Variants in TCERG1 observed in about 807,000 individuals in gnomAD.
TCERG1 encodes the protein transcription elongation regulator 1.
TCERG1 carries 37 observed loss-of-function variants against 144.7 expected under a neutral mutation model. That is an observed-to-expected ratio of 0.26 (90% CI 0.20 to 0.34). The LOEUF (loss-of-function observed/expected upper bound fraction) is 0.34, where lower values mean the gene tolerates loss of function less well. Among genes scored for constraint, TCERG1 ranks in the 10% least tolerant of loss-of-function variants. The pLI is 1.00. For synonymous variants in TCERG1, 492 were observed against 458.2 expected, an observed-to-expected ratio of 1.07 and a Z score of -0.94; for missense variants, 1,027 against 1,380.7, an observed-to-expected ratio of 0.74 and a Z score of 4.06.
intron 5 of TCERG1, among the ~76,000 whole-genome samples, chr5:146,467,864 C>G (rs192456231): frequency 3.9e-5 from 6 of 152,298 alleles, no homozygotes; most frequent in Non-Finnish European, 7.4e-5. Context: ...CTAGCTTATT[C>G]CTTTTTTACT....
intron 9 of TCERG1, among the ~76,000 whole-genome samples, chr5:146,472,529 T>C (rs1764410760): frequency 6.6e-6 from 1 of 152,288 alleles, no homozygotes; most frequent in South Asian, 2.1e-4. Context: ...TGAACCTAAT[T>C]GATAAACGTG....
In TCERG1 at chr5:146,496,445, CTT is replaced by C. The variant is rs971511997; in HGVS notation, c.2283-2089_2283-2088del. 2.4e-4 allele frequency among the ~76,000 whole-genome samples: 36 copies of C among 152,102 alleles called. 1 individual carries two copies. The highest frequency in any genetic ancestry group is 2.9e-5 in the Non-Finnish European group (2 of 68,014). On this transcript the variant is annotated intron_variant, in intron 16 of 22. Coordinates refer to ENST00000679501, the MANE Select transcript of TCERG1 (RefSeq NM_001382548.1). ...TACCTCAGTCTTTTTTCTATCTCCT[CTT>C]TGGATTAGATAATTGTTAGTGATCT...
intron 21 of TCERG1, 43 bp from the exon 22 acceptor site, chr5:146,509,102 G>A: frequency 8.8e-7 from 1 of 1,141,396 alleles, no homozygotes; most frequent in Non-Finnish European, 1.3e-6. Flanking sequence ...GGAATTAGTG[G>A]GTTTTATTTC....
intron 14 of TCERG1, among the ~76,000 whole-genome samples, chr5:146,483,103 ATAT>A (rs779613400): frequency 2.2e-4 from 33 of 152,108 alleles, no homozygotes; most frequent in African/African-American, 3.1e-4. Flanking sequence ...ATACTTTGTG[ATAT>A]TATTATTTGC....
chr5:146,475,614 G>C (rs899956235), intron 9 of TCERG1, among the ~76,000 whole-genome samples: 1 of 152,148 alleles, frequency 6.6e-6, no homozygotes, highest in Non-Finnish European at 1.5e-5. Context: ...CATTTATGCT[G>C]AAGGTTGCAA....
intron 4 of TCERG1, among the ~76,000 whole-genome samples, chr5:146,461,647 T>G (rs993317767): frequency 6.6e-6 from 1 of 152,214 alleles, no homozygotes; most frequent in Non-Finnish European, 1.5e-5. Context: ...CACTTGAAAT[T>G]TGATGCCCTT....
At chr5:146,501,026 A>T (rs184253683) in intron 17 of TCERG1, among the ~76,000 whole-genome samples, 115 of 152,088 alleles carry the variant, frequency 7.6e-4, no homozygotes, top group African/African-American at 2.6e-3. Flanking sequence ...AAAAGAAAAA[A>T]AAGTCTACTT....
chr5:146,504,219 A>G (rs1414092007), intron 19 of TCERG1: 1 of 396,670 alleles, frequency 2.5e-6, no homozygotes, highest in East Asian at 3.9e-5. Flanking sequence ...CATTTTGCAT[A>G]TATGGAAAGT....
At chr5:146,483,481 A>G in intron 14 of TCERG1, 59 bp from the exon 15 acceptor site, 1 of 1,470,552 alleles carries the variant, frequency 6.8e-7, no homozygotes. Flanking sequence ...AAGCAAAATT[A>G]TGACCTTTAT....
chr5:146,505,052 A>G (rs566503171), intron 19 of TCERG1, among the ~76,000 whole-genome samples: 88 of 151,736 alleles, frequency 5.8e-4, no homozygotes, highest in African/African-American at 2.1e-3. Context: ...CTCAAAAAGA[A>G]AAATGTACAT....
intron 16 of TCERG1, among the ~76,000 whole-genome samples, chr5:146,493,837 T>G (rs889122967): frequency 6.6e-6 from 1 of 152,066 alleles, no homozygotes; most frequent in Non-Finnish European, 1.5e-5. Context: ...AGTAGTGGTA[T>G]TAGGTTACTG....
intron 3 of TCERG1, among the ~76,000 whole-genome samples, chr5:146,458,545 G>A (rs991054870): frequency 4.6e-5 from 7 of 150,958 alleles, no homozygotes; most frequent in Admixed American, 1.3e-4. Context: ...TGATCTCGGC[G>A]CACTGCAGCC....
intron 22 of TCERG1, 167 bp from the exon 23 acceptor site, chr5:146,510,274 G>T: frequency 1.6e-5 from 11 of 678,430 alleles, no homozygotes; most frequent in Non-Finnish European, 1.4e-5. Flanking sequence ...TGGAGTCTTT[G>T]CTGAGGCGAC....
intron 6 of TCERG1, 28 bp from the exon 7 acceptor site, chr5:146,469,516 A>T: frequency 6.5e-7 from 1 of 1,549,894 alleles, no homozygotes; most frequent in Admixed American, 2.1e-5. Flanking sequence ...TGATACTTGG[A>T]TCTAATTTTT....
At chr5:146,469,857 A>G (rs1764126619) in intron 7 of TCERG1, 113 bp downstream of exon 7, 1 of 748,718 alleles carries the variant, frequency 1.3e-6, no homozygotes, top group South Asian at 2.7e-5. Flanking sequence ...TTCTAATTAC[A>G]CAGTCATTGG....
At chr5:146,501,288 A>G (rs567359753) in intron 17 of TCERG1, among the ~76,000 whole-genome samples, 1 of 152,276 alleles carries the variant, frequency 6.6e-6, no homozygotes, top group South Asian at 2.1e-4. Context: ...AATTGCAGCT[A>G]ATGGTAAATG....
chr5:146,501,483 GT>G (rs1767444536), intron 17 of TCERG1, among the ~76,000 whole-genome samples: 1 of 152,108 alleles, frequency 6.6e-6, no homozygotes, highest in African/African-American at 2.4e-5. Context: ...TACTTTATAG[GT>G]TTCGTGTCTA....
chr5:146,471,606 T>A, intron 9 of TCERG1, 30 bp downstream of exon 9: 23 of 1,592,348 alleles, frequency 1.4e-5, no homozygotes, highest in Non-Finnish European at 2.0e-5. Flanking sequence ...AGTAATTTTT[T>A]TTTTTTTTTT....
At position 146,503,630 on chromosome 5, in the gene TCERG1, G is replaced by A. The variant is rs928496696; in HGVS notation, c.2598+91G>A. ...GTTGTTGTTGGGGATTTTTCTATTG[G>A]GGGTTTGGATTTTTTCTTGTTAGTA... is the stretch of plus-strand genomic sequence containing the variant. On this transcript the variant is annotated intron_variant, in intron 18 of 22. Coordinates refer to ENST00000679501, the MANE Select transcript of TCERG1 (RefSeq NM_001382548.1). 4.7e-5 allele frequency: 70 copies of A among 1,483,090 alleles called. No homozygotes were observed. In the South Asian group the frequency reaches 9.0e-4, roughly 19 times the overall value. 91.9% of individuals were successfully genotyped at this position (1,483,090 alleles called of 1,614,324 possible).
Sources: allele counts gnomAD v4.1 joint callset (sites outside exome capture counted in the v4.1 genomes callset), GRCh38; gene constraint gnomAD v4.1.1; transcripts MANE v1.5; gene names NCBI Gene and HGNC (gene_info 2026-07-23, HGNC 2026-07-21).